Variants in GOLM2 observed in about 807,000 individuals in gnomAD.
GOLM2 encodes the protein protein GOLM2.
A neutral mutation model predicts 55.9 loss-of-function variants in GOLM2; 26 were observed. The ratio of observed to expected loss-of-function variants is 0.47; its 90% CI spans 0.34 to 0.65. GOLM2 has a LOEUF of 0.65. Ranked by LOEUF, GOLM2 falls within the 30% of genes least tolerant of loss-of-function variation. The pLI, the probability that GOLM2 is intolerant of heterozygous loss-of-function variation, is 0.01. For missense variants in GOLM2, 486 were observed against 531.8 expected, an observed-to-expected ratio of 0.91 and a Z score of 0.85; for synonymous variants, 165 against 194.6, an observed-to-expected ratio of 0.85 and a Z score of 1.27.
At position 44,366,310 on chromosome 15, in the gene GOLM2, A is replaced by C. The variant is rs199565955; in HGVS notation, c.803-13380A>C. Among the ~76,000 whole-genome samples, 1,275 of 150,530 alleles carry C rather than the reference A, an allele frequency of 8.5e-3. 19 individuals are homozygous for C. The highest frequency in any genetic ancestry group is 0.025 in the African/African-American group (1,018 of 41,152). On this transcript the variant is annotated intron_variant, in intron 6 of 9. Transcript: ENST00000299957. ...AGACTCCGTCTCAAAAAAAAAAAAA[A>C]AAAACAAAACAAACAAACCACAAAA...
intron 1 of GOLM2, among the ~76,000 whole-genome samples, chr15:44,316,636 T>C (rs771636254): frequency 6.6e-6 from 1 of 151,532 alleles, no homozygotes; most frequent in Non-Finnish European, 1.5e-5. Flanking sequence ...GCGCCTGTAA[T>C]CCCAGCTGCC....
At chr15:44,331,959 T>G (rs1260006834) in intron 3 of GOLM2, 29 bp from the exon 4 acceptor site, 1 of 1,443,112 alleles carries the variant, frequency 6.9e-7, no homozygotes. Flanking sequence ...CAAGATAATA[T>G]AATCTAAAAG....
intron 1 of GOLM2, among the ~76,000 whole-genome samples, chr15:44,312,488 C>G (rs150937082): frequency 6.6e-6 from 1 of 152,116 alleles, no homozygotes; most frequent in Non-Finnish European, 1.5e-5. Flanking sequence ...TGTCTTTCCT[C>G]TTTGTTAAAA....
intron 6 of GOLM2, among the ~76,000 whole-genome samples, chr15:44,358,220 G>A (rs983509150): frequency 6.6e-6 from 1 of 152,132 alleles, no homozygotes; most frequent in Non-Finnish European, 1.5e-5. Flanking sequence ...TGGGTGTGGT[G>A]GCGCACATCC....
intron 3 of GOLM2, among the ~76,000 whole-genome samples, chr15:44,329,875 C>A (rs1037559273): frequency 1.2e-4 from 18 of 148,122 alleles, no homozygotes; most frequent in Non-Finnish European, 2.5e-4. Flanking sequence ...ACACTGTAGT[C>A]TGGGCAACAG....
chr15:44,369,073 A>T (rs748017245), intron 6 of GOLM2, among the ~76,000 whole-genome samples: 1 of 39,810 alleles, frequency 2.5e-5, no homozygotes, highest in Admixed American at 2.2e-4. Context: ...TATATTATAT[A>T]TATATATATA....
intron 6 of GOLM2, among the ~76,000 whole-genome samples, chr15:44,365,473 G>A (rs1038535407): frequency 9.2e-5 from 14 of 152,006 alleles, no homozygotes; most frequent in African/African-American, 3.1e-4. Flanking sequence ...GCTGCAGTGA[G>A]CTGTGACTGC....
At chr15:44,406,336 C>T (rs562637443) in intron 9 of GOLM2, 24 of 152,054 alleles carry the variant, frequency 1.6e-4, no homozygotes, top group Non-Finnish European at 4.4e-5. Context: ...TGTGGTAAGC[C>T]GAGATTGCAC....
chr15:44,371,063 A>G (rs1368737892), intron 6 of GOLM2, among the ~76,000 whole-genome samples: 1 of 152,154 alleles, frequency 6.6e-6, no homozygotes, highest in Non-Finnish European at 1.5e-5. Context: ...TTGGCCAAAG[A>G]CCTAAGAGGA....
At chr15:44,369,853 A>G (rs1305570348) in intron 6 of GOLM2, among the ~76,000 whole-genome samples, 1 of 152,048 alleles carries the variant, frequency 6.6e-6, no homozygotes, top group Non-Finnish European at 1.5e-5. Context: ...AAAAAGATAG[A>G]ATTTTAAAAT....
intron 4 of GOLM2, among the ~76,000 whole-genome samples, chr15:44,336,178 G>GCGCA (rs1273708236): frequency 6.8e-6 from 1 of 146,486 alleles, no homozygotes; most frequent in Non-Finnish European, 1.5e-5. Flanking sequence ...GTGCAGTGGT[G>GCGCA]CCATCTTGGC....
Position 44,356,582 on chromosome 15 carries a change from C to G in GOLM2, c.802+18265C>G, listed in dbSNP as rs895792910. Among the ~76,000 whole-genome samples the G allele has an allele frequency of 2.6e-5, 4 of 152,300 alleles. No individual in the cohort carries two copies. In the South Asian group the frequency reaches 8.3e-4, roughly 32 times the overall value. On this transcript the variant is annotated intron_variant, in intron 6 of 9. Transcript: ENST00000299957. The stretch of plus-strand genomic sequence containing the variant: ...AATAAATTGAATCAATAATAACCTT[C>G]CAAAGCAGGAAGCACCAGGTACAGA...
chr15:44,302,157 T>TG (rs1415990279), intron 1 of GOLM2, among the ~76,000 whole-genome samples: 1 of 151,664 alleles, frequency 6.6e-6, no homozygotes, highest in Admixed American at 6.6e-5. Context: ...TTTTTTTTTT[T>TG]TTTTTGAGAT....
chr15:44,351,778 C>A, intron 6 of GOLM2, among the ~76,000 whole-genome samples: 1 of 151,542 alleles, frequency 6.6e-6, no homozygotes, highest in East Asian at 1.9e-4. Flanking sequence ...TTCTATATGC[C>A]AACAGCGAAT....
At chr15:44,373,663 A>G (rs796376281) in intron 6 of GOLM2, among the ~76,000 whole-genome samples, 9 of 152,008 alleles carry the variant, frequency 5.9e-5, no homozygotes, top group African/African-American at 2.2e-4. Flanking sequence ...TTAAGGCAAG[A>G]GAATTGCTTG....
intron 1 of GOLM2, among the ~76,000 whole-genome samples, chr15:44,292,176 T>TATAC (rs1033626193): frequency 1.3e-5 from 2 of 149,444 alleles, no homozygotes; most frequent in Non-Finnish European, 3.0e-5. Context: ...TGTATATGTG[T>TATAC]ATACATACAT....
chr15:44,345,507 G>A (rs1035131854), intron 6 of GOLM2, among the ~76,000 whole-genome samples: 5 of 152,108 alleles, frequency 3.3e-5, no homozygotes, highest in African/African-American at 7.2e-5. Flanking sequence ...TAATCCGTCC[G>A]CCTCGGCCTC....
At chr15:44,370,465 A>C (rs1463513544) in intron 6 of GOLM2, among the ~76,000 whole-genome samples, 3 of 152,098 alleles carry the variant, frequency 2.0e-5, no homozygotes, top group Non-Finnish European at 4.4e-5. Context: ...CAGAAGGGTG[A>C]GGTGGGAGGA....
intron 6 of GOLM2, among the ~76,000 whole-genome samples, chr15:44,369,763 C>A: frequency 6.8e-6 from 1 of 147,800 alleles, no homozygotes. Context: ...ATTAATAAAG[C>A]CTGGATGACA....
Sources: gnomAD v4.1 joint callset for allele counts (sites outside exome capture counted in the v4.1 genomes callset) on GRCh38, gnomAD v4.1.1 for gene constraint, MANE v1.5 for transcripts, NCBI Gene and HGNC (gene_info 2026-07-23, HGNC 2026-07-21) for gene names.